Variants in ANKRD30B observed in about 807,000 individuals in gnomAD.
ANKRD30B encodes ankyrin repeat domain-containing protein 30B.
Under a neutral mutation model 202.2 loss-of-function variants are expected in ANKRD30B, and 144 were observed. The ratio of observed to expected loss-of-function variants is 0.71; its 90% CI spans 0.62 to 0.82. The LOEUF is 0.82. ANKRD30B is among the 40% of genes least tolerant of loss of function. ANKRD30B has a pLI of 0.00. For missense variants in ANKRD30B, 1,487 were observed against 1,669.1 expected (o/e 0.89, Z 1.90); for synonymous variants, 508 against 561.3 (o/e 0.91, Z 1.34).
the ANKRD30B span, among the ~76,000 whole-genome samples, chr18:14,934,683 T>C: frequency 6.6e-6 from 1 of 151,982 alleles, no homozygotes; most frequent in Non-Finnish European, 1.5e-5. Flanking sequence ...GGGGCTGGCA[T>C]GGACACTGAA....
chr18:14,917,265 T>C, the ANKRD30B span, among the ~76,000 whole-genome samples: 1 of 152,262 alleles, frequency 6.6e-6, no homozygotes, highest in Non-Finnish European at 1.5e-5. Context: ...TCTCTCTCCC[T>C]GCTTTCCCAC....
intron 18 of ANKRD30B, 50 bp from the exon 19 acceptor site, chr18:14,797,611 G>A (rs145871580): frequency 3.2e-6 from 5 of 1,544,994 alleles, no homozygotes; most frequent in African/African-American, 2.7e-5. Context: ...CGTTTGGTAG[G>A]CTTTGTCAGG....
At chr18:14,776,426 A>G (rs1967355138) in intron 9 of ANKRD30B, among the ~76,000 whole-genome samples, 1 of 152,228 alleles carries the variant, frequency 6.6e-6, no homozygotes, top group Admixed American at 6.5e-5. Flanking sequence ...TTCTATGGTC[A>G]GAGTAGATCT....
intron 41 of ANKRD30B, among the ~76,000 whole-genome samples, chr18:14,851,287 C>T (rs1371001520): frequency 7.4e-6 from 1 of 134,290 alleles, no homozygotes; most frequent in Non-Finnish European, 1.6e-5. Context: ...CTAGTCGTTT[C>T]TCTTTTACTT....
At chr18:14,769,596 C>G (rs981544772) in intron 8 of ANKRD30B, among the ~76,000 whole-genome samples, 4 of 152,158 alleles carry the variant, frequency 2.6e-5, no homozygotes, top group African/African-American at 9.7e-5. Context: ...ATTAATTGGC[C>G]TATGATTCAT....
chr18:14,923,756 AGTATCTG>A, the ANKRD30B span, among the ~76,000 whole-genome samples: 11 of 152,344 alleles, frequency 7.2e-5, no homozygotes, highest in South Asian at 2.3e-3. Flanking sequence ...ATCTGCAAGA[AGTATCTG>A]GATTAACAGG....
At chr18:14,877,000 G>A in the ANKRD30B span, among the ~76,000 whole-genome samples, 1 of 152,184 alleles carries the variant, frequency 6.6e-6, no homozygotes, top group African/African-American at 2.4e-5. Context: ...CAAATACAAG[G>A]ATGTTTATGA....
chr18:14,901,517 G>GT, the ANKRD30B span, among the ~76,000 whole-genome samples: 3 of 150,292 alleles, frequency 2.0e-5, no homozygotes, highest in Non-Finnish European at 4.4e-5. Flanking sequence ...AAATATTGCT[G>GT]ATTCTTTTTA....
chr18:14,819,285 G>A (rs2144101919), intron 30 of ANKRD30B, among the ~76,000 whole-genome samples: 1 of 151,362 alleles, frequency 6.6e-6, no homozygotes. Flanking sequence ...TGAGTAGGTT[G>A]CGAAAATTTT....
At chr18:14,912,335 C>G in the ANKRD30B span, among the ~76,000 whole-genome samples, 103 of 152,198 alleles carry the variant, frequency 6.8e-4, no homozygotes, top group Middle Eastern at 3.4e-3. Flanking sequence ...TGAAAGAATG[C>G]TGAATTTTAT....
intron 15 of ANKRD30B, among the ~76,000 whole-genome samples, chr18:14,787,884 T>G (rs755445438): frequency 6.6e-5 from 10 of 152,214 alleles, no homozygotes; most frequent in Admixed American, 2.0e-4. Flanking sequence ...TTATCTGATT[T>G]TTTATTAGAC....
chr18:14,862,635 G>C, the ANKRD30B span, among the ~76,000 whole-genome samples: 1 of 152,190 alleles, frequency 6.6e-6, no homozygotes, highest in African/African-American at 2.4e-5. Flanking sequence ...CCCCACTGGG[G>C]CACTACCTAC....
chr18:14,763,568 A>G (rs1043634394), intron 6 of ANKRD30B, 118 bp from the exon 7 acceptor site: 2 of 1,414,838 alleles, frequency 1.4e-6, no homozygotes, highest in African/African-American at 2.9e-5. Flanking sequence ...GAAGAGAGAA[A>G]AGAAAAGTTT....
chr18:14,796,387 A>G lies in ANKRD30B; in HGVS notation c.1899A>G (p.Glu633=). 6.4e-7 allele frequency: 1 copy of G among 1,560,378 alleles called. No homozygotes were observed. Among genetic ancestry groups the G allele is most frequent in the Non-Finnish European group, 8.7e-7 (1 of 1,151,788 alleles). ...RKVSLPNKAL[E]LKDRETFKAE... is the part of the protein sequence containing the mutation. ...TTTCTCTTCCAAATAAAGCCTTAGA[A>G]TTAAAGGACAGAGAAACATTCAAAG... is the stretch of plus-strand genomic sequence containing the variant. Residue 633 remains glutamate, a synonymous_variant, in exon 18 of 44, where the codon GAA becomes GAG. Transcript: ENST00000690538.
the ANKRD30B span, among the ~76,000 whole-genome samples, chr18:14,900,966 C>T: frequency 6.6e-6 from 1 of 152,098 alleles, no homozygotes; most frequent in Non-Finnish European, 1.5e-5. Context: ...ATTTTTTAAG[C>T]CAAACTGAAT....
the ANKRD30B span, among the ~76,000 whole-genome samples, chr18:14,893,538 G>A: frequency 6.6e-6 from 1 of 151,984 alleles, no homozygotes; most frequent in Non-Finnish European, 1.5e-5. Flanking sequence ...TTGAACCTGG[G>A]ATGCGGAGGT....
At chr18:14,843,696 A>G (rs1244370988) in intron 39 of ANKRD30B, among the ~76,000 whole-genome samples, 2 of 152,080 alleles carry the variant, frequency 1.3e-5, no homozygotes, top group Non-Finnish European at 2.9e-5. Context: ...CGGGAGGCTG[A>G]GGCAGGAGAA....
chr18:14,774,724 T>C (rs1249154372), intron 9 of ANKRD30B, among the ~76,000 whole-genome samples: 1 of 152,126 alleles, frequency 6.6e-6, no homozygotes, highest in African/African-American at 2.4e-5. Context: ...TAGGAAGAGA[T>C]ATTGCAAAAT....
chr18:14,889,954 T>C, the ANKRD30B span: 13 of 745,190 alleles, frequency 1.7e-5, no homozygotes, highest in African/African-American at 2.2e-4. Context: ...AAATGAGTTT[T>C]AAAAATTAAG....
Sources: gnomAD v4.1 joint callset for allele counts (sites outside exome capture counted in the v4.1 genomes callset) on GRCh38, gnomAD v4.1.1 for gene constraint, MANE v1.5 for transcripts, NCBI Gene and HGNC (gene_info 2026-07-23, HGNC 2026-07-21) for gene names.